The following RANBP2 variants were observed in gnomAD, a reference collection of about 807,000 sequenced individuals.
RANBP2 encodes the protein RAN binding protein 2, also known as E3 SUMO-protein ligase RanBP2.
Under a neutral mutation model 303.6 loss-of-function variants are expected in RANBP2, and 57 were observed. That is an observed-to-expected ratio of 0.19 (90% confidence interval 0.15 to 0.23). The LOEUF is 0.23. Ranked by LOEUF, RANBP2 falls within the 10% of genes least tolerant of loss-of-function variation. RANBP2 has a pLI of 1.00. For missense variants in RANBP2, 3,138 were observed against 3,780.8 expected (o/e 0.83, Z 4.46); for synonymous variants, 1,167 against 1,301.5 (o/e 0.90, Z 2.23).
the RANBP2 span, among the ~76,000 whole-genome samples, chr2:109,297,845 T>C: frequency 5.3e-5 from 8 of 150,872 alleles, no homozygotes; most frequent in Non-Finnish European, 1.2e-4. Flanking sequence ...GCCCCCGACC[T>C]GGGCCAGTTC....
At chr2:108,884,374 C>T in the RANBP2 span, 1 of 152,156 alleles carries the variant, frequency 6.6e-6, no homozygotes, top group Non-Finnish European at 1.5e-5. Context: ...AGTGTAATTC[C>T]ACAAGGCACA....
At chr2:109,096,884 C>T in the RANBP2 span, among the ~76,000 whole-genome samples, 59 of 151,718 alleles carry the variant, frequency 3.9e-4, no homozygotes, top group East Asian at 0.011. Context: ...TCTTGTGGCC[C>T]CCATCCAGAA....
At chr2:109,248,301 T>C in the RANBP2 span, among the ~76,000 whole-genome samples, 1 of 152,214 alleles carries the variant, frequency 6.6e-6, no homozygotes, top group Non-Finnish European at 1.5e-5. Context: ...TGGCTATTGT[T>C]TTAAAAATCT....
At chr2:109,417,286 A>G in the RANBP2 span, among the ~76,000 whole-genome samples, 2 of 151,820 alleles carry the variant, frequency 1.3e-5, no homozygotes, top group African/African-American at 4.8e-5. Flanking sequence ...GCCCCCACCT[A>G]CACCTCCATG....
chr2:109,089,241 A>G, the RANBP2 span, among the ~76,000 whole-genome samples: 1 of 152,170 alleles, frequency 6.6e-6, no homozygotes, highest in Admixed American at 6.5e-5. Flanking sequence ...CATTCAAGGT[A>G]AAACCAACTG....
At chr2:109,695,265 T>C in the RANBP2 span, among the ~76,000 whole-genome samples, 1 of 151,902 alleles carries the variant, frequency 6.6e-6, no homozygotes, top group Non-Finnish European at 1.5e-5. Flanking sequence ...AATTCCAACA[T>C]GAGATTCATC....
the RANBP2 span, among the ~76,000 whole-genome samples, chr2:109,180,109 A>C: frequency 2.0e-5 from 3 of 151,164 alleles, no homozygotes; most frequent in South Asian, 6.2e-4. Flanking sequence ...GTTAGGAACC[A>C]CAGGAGAAGT....
the RANBP2 span, among the ~76,000 whole-genome samples, chr2:109,164,126 T>G: frequency 6.6e-6 from 1 of 152,188 alleles, no homozygotes; most frequent in East Asian, 1.9e-4. Flanking sequence ...TGTTAAATCC[T>G]TAAGGAATTA....
the RANBP2 span, among the ~76,000 whole-genome samples, chr2:109,454,603 A>G: frequency 6.6e-6 from 1 of 152,178 alleles, no homozygotes; most frequent in African/African-American, 2.4e-5. Flanking sequence ...CATGAGTTCC[A>G]CAGCAGCATT....
intron 7 of RANBP2, among the ~76,000 whole-genome samples, chr2:108,743,725 T>A (rs1340150546): frequency 6.6e-6 from 1 of 152,252 alleles, no homozygotes; most frequent in Non-Finnish European, 1.5e-5. Context: ...CTTTCTCTGC[T>A]TTTAAAAAAT....
At chr2:108,796,827 G>T in the RANBP2 span, among the ~76,000 whole-genome samples, 4 of 152,126 alleles carry the variant, frequency 2.6e-5, no homozygotes, top group Non-Finnish European at 2.9e-5. Flanking sequence ...GGGAGGGGAA[G>T]GGTAGCAGGG....
At chr2:108,923,541 T>G in the RANBP2 span, 1 of 1,225,556 alleles carries the variant, frequency 8.2e-7, no homozygotes, top group Non-Finnish European at 1.2e-6. Flanking sequence ...GTGGCCAGTC[T>G]GCAGGCCCAC....
the RANBP2 span, chr2:108,930,359 G>A: frequency 1.8e-6 from 2 of 1,137,314 alleles, no homozygotes; most frequent in African/African-American, 3.1e-5. Flanking sequence ...CTCTGCTGGG[G>A]GCTCGGTCTG....
chr2:108,925,634 C>G, the RANBP2 span, among the ~76,000 whole-genome samples: 1 of 151,488 alleles, frequency 6.6e-6, no homozygotes, highest in African/African-American at 2.4e-5. Context: ...TTTTTTTTCC[C>G]CCTGAAACAG....
the RANBP2 span, among the ~76,000 whole-genome samples, chr2:109,528,005 G>A: frequency 1.1e-3 from 174 of 152,338 alleles, no homozygotes; most frequent in African/African-American, 4.1e-3. Flanking sequence ...TGGATAGTCT[G>A]TGGGCTGTGC....
the RANBP2 span, among the ~76,000 whole-genome samples, chr2:109,284,899 C>G: frequency 1.3e-4 from 20 of 152,360 alleles, no homozygotes; most frequent in Non-Finnish European, 2.9e-4. Flanking sequence ...AAAATCCACA[C>G]TGGGCTCGTC....
chr2:109,153,428 T>C, the RANBP2 span, among the ~76,000 whole-genome samples: 1 of 152,192 alleles, frequency 6.6e-6, no homozygotes, highest in African/African-American at 2.4e-5. Context: ...TTGGACAGAT[T>C]AGTTCTGCTG....
the RANBP2 span, among the ~76,000 whole-genome samples, chr2:109,413,554 G>A: frequency 6.6e-6 from 1 of 152,198 alleles, no homozygotes; most frequent in African/African-American, 2.4e-5. Context: ...GTGTCTTCCT[G>A]TCTGTCTCTC....
the RANBP2 span, among the ~76,000 whole-genome samples, chr2:109,404,704 C>G: frequency 1.3e-5 from 2 of 152,106 alleles, no homozygotes; most frequent in South Asian, 4.2e-4. Flanking sequence ...TTGCGGAAGG[C>G]CCATTCTCAT....
Sources: allele counts gnomAD v4.1 joint callset (sites outside exome capture counted in the v4.1 genomes callset), GRCh38; gene constraint gnomAD v4.1.1; transcripts MANE v1.5; gene names NCBI Gene and HGNC (gene_info 2026-07-23, HGNC 2026-07-21).